The following HECW2 variants were observed in gnomAD, a reference collection of about 807,000 sequenced individuals.
HECW2 encodes E3 ubiquitin-protein ligase HECW2.
In HECW2, 61 loss-of-function variants were observed where a neutral mutation model predicts 175.2. The observed-to-expected ratio is 0.35, with a 90% confidence interval of 0.28 to 0.43. The LOEUF (loss-of-function observed/expected upper bound fraction) is 0.43. HECW2 is among the 20% of genes least tolerant of loss of function. The pLI is 1.00. For missense variants in HECW2, 1,524 were observed against 2,000.5 expected, an observed-to-expected ratio of 0.76 and a Z score of 4.54; for synonymous variants, 671 against 731.0, an observed-to-expected ratio of 0.92 and a Z score of 1.32.
At chr2:196,309,455 A>G (rs1245277971) in intron 10 of HECW2, among the ~76,000 whole-genome samples, 1 of 152,190 alleles carries the variant, frequency 6.6e-6, no homozygotes, top group Non-Finnish European at 1.5e-5. Context: ...CATCAATAAG[A>G]CATTTTCAAA....
At chr2:196,449,505 T>G (rs1696284316) in intron 1 of HECW2, among the ~76,000 whole-genome samples, 1 of 152,244 alleles carries the variant, frequency 6.6e-6, no homozygotes. Flanking sequence ...CTATGGATGC[T>G]GAAAGATTTC....
chr2:196,281,360 A>G (rs992958569), intron 14 of HECW2, among the ~76,000 whole-genome samples: 1 of 152,180 alleles, frequency 6.6e-6, no homozygotes, highest in Admixed American at 6.5e-5. Flanking sequence ...TTCTTGGGCC[A>G]GGCGCGATGG....
At chr2:196,513,240 A>G (rs1688018761) in intron 1 of HECW2, among the ~76,000 whole-genome samples, 1 of 152,224 alleles carries the variant, frequency 6.6e-6, no homozygotes, top group African/African-American at 2.4e-5. Context: ...ATCTTTCACA[A>G]GAATCCATAT....
intron 1 of HECW2, among the ~76,000 whole-genome samples, chr2:196,439,057 C>A (rs1031200017): frequency 2.0e-5 from 3 of 152,224 alleles, no homozygotes; most frequent in African/African-American, 7.2e-5. Context: ...GTACATAAAT[C>A]AGTAGCTGTA....
intron 28 of HECW2, among the ~76,000 whole-genome samples, chr2:196,209,648 G>A (rs76503461): frequency 0.015 from 2,246 of 152,252 alleles, 57 homozygotes; most frequent in African/African-American, 0.051. Flanking sequence ...ATCAGCAGGC[G>A]GTAGGGAATT....
At chr2:196,214,094 A>C (rs1687385501) in intron 28 of HECW2, among the ~76,000 whole-genome samples, 1 of 152,208 alleles carries the variant, frequency 6.6e-6, no homozygotes, top group Admixed American at 6.5e-5. Context: ...TCATGGCCAG[A>C]GACAGTATTA....
chr2:196,492,705 GA>G (rs1002190846), intron 1 of HECW2, among the ~76,000 whole-genome samples: 7 of 152,144 alleles, frequency 4.6e-5, no homozygotes, highest in Admixed American at 2.6e-4. Context: ...AATTTGGGGG[GA>G]AAAAAACTGT....
intron 21 of HECW2, among the ~76,000 whole-genome samples, chr2:196,236,112 T>G (rs1400495595): frequency 6.6e-6 from 1 of 152,200 alleles, no homozygotes; most frequent in African/African-American, 2.4e-5. Context: ...ACAGTTGACA[T>G]AAGCAACACA....
chr2:196,496,512 T>A (rs576300039), intron 1 of HECW2, among the ~76,000 whole-genome samples: 14 of 152,198 alleles, frequency 9.2e-5, no homozygotes, highest in Non-Finnish European at 1.5e-4. Context: ...ACATTTTTTA[T>A]AATTATCACA....
At chr2:196,350,231 G>A (rs1300705523) in intron 2 of HECW2, among the ~76,000 whole-genome samples, 2 of 152,140 alleles carry the variant, frequency 1.3e-5, no homozygotes, top group African/African-American at 4.8e-5. Flanking sequence ...TGGGTGTGGA[G>A]GCACACACCT....
chr2:196,265,234 C>T (rs1363018184), intron 17 of HECW2, among the ~76,000 whole-genome samples: 4 of 152,196 alleles, frequency 2.6e-5, no homozygotes. Flanking sequence ...CCTATAATCC[C>T]AACACTTTGG....
At chr2:196,216,203 G>T (rs181093167) in intron 27 of HECW2, among the ~76,000 whole-genome samples, 58 of 152,258 alleles carry the variant, frequency 3.8e-4, no homozygotes, top group Non-Finnish European at 4.4e-5. Flanking sequence ...GGATGTGGAG[G>T]GTTTGTAGAA....
At chr2:196,438,081 G>A (rs932521525) in intron 1 of HECW2, among the ~76,000 whole-genome samples, 7 of 152,088 alleles carry the variant, frequency 4.6e-5, no homozygotes, top group African/African-American at 1.7e-4. Context: ...ACCAGCATAG[G>A]AACTAAGAAA....
chr2:196,362,964 T>C (rs139951569), intron 2 of HECW2, among the ~76,000 whole-genome samples: 1 of 152,224 alleles, frequency 6.6e-6, no homozygotes, highest in East Asian at 1.9e-4. Context: ...GCAAACTAGA[T>C]TTAAGCTTCA....
chr2:196,283,481 C>T (rs968504284), intron 14 of HECW2, among the ~76,000 whole-genome samples: 5 of 150,302 alleles, frequency 3.3e-5, no homozygotes, highest in Middle Eastern at 3.5e-3. Flanking sequence ...GTTCAAGTGA[C>T]TCTCCTGCCT....
intron 1 of HECW2, among the ~76,000 whole-genome samples, chr2:196,473,256 A>C (rs899870172): frequency 6.6e-6 from 1 of 152,232 alleles, no homozygotes; most frequent in African/African-American, 2.4e-5. Flanking sequence ...AGTGGAGTGC[A>C]TTGGGCCACA....
intron 1 of HECW2, among the ~76,000 whole-genome samples, chr2:196,458,604 A>G (rs1696611801): frequency 6.6e-6 from 1 of 151,922 alleles, no homozygotes; most frequent in African/African-American, 2.4e-5. Context: ...GTGGTGGCTC[A>G]CACCTGTAAT....
intron 28 of HECW2, among the ~76,000 whole-genome samples, chr2:196,206,975 G>T (rs10182960): frequency 6.6e-6 from 1 of 152,078 alleles, no homozygotes; most frequent in African/African-American, 2.4e-5. Flanking sequence ...AAGATTTGTA[G>T]GTGTGCAGGT....
chr2:196,312,432 A>C (rs1011477318), intron 10 of HECW2, among the ~76,000 whole-genome samples: 1 of 152,230 alleles, frequency 6.6e-6, no homozygotes. Context: ...GGAAAATTAT[A>C]AGCTTTGTGA....
Sources: allele counts gnomAD v4.1 joint callset (sites outside exome capture counted in the v4.1 genomes callset), GRCh38; gene constraint gnomAD v4.1.1; transcripts MANE v1.5; gene names NCBI Gene and HGNC (gene_info 2026-07-23, HGNC 2026-07-21).